Variants in FSD1L observed in about 807,000 individuals in gnomAD.
FSD1L encodes fibronectin type III and SPRY domain containing 1 like.
FSD1L carries 45 observed loss-of-function variants against 71.6 expected under a neutral mutation model. The ratio of observed to expected loss-of-function variants is 0.63; its 90% confidence interval spans 0.49 to 0.81. FSD1L has a LOEUF of 0.81. FSD1L is among the 30% of genes least tolerant of loss of function. The pLI, the probability that FSD1L is intolerant of heterozygous loss-of-function variation, is 0.00. For missense variants in FSD1L, 561 were observed against 618.1 expected (o/e 0.91, Z 0.98); for synonymous variants, 197 against 207.2 (o/e 0.95, Z 0.42).
chr9:105,478,540 A>C (rs10991666), intron 5 of FSD1L, among the ~76,000 whole-genome samples: 19,444 of 152,136 alleles, frequency 0.13, 1,583 homozygotes, highest in Admixed American at 0.23. Context: ...GGAGAAAAAA[A>C]CTTTTGTTGG....
intron 6 of FSD1L, among the ~76,000 whole-genome samples, chr9:105,481,141 C>CTGTGTGTGTG (rs376069658): frequency 0.034 from 2,755 of 81,528 alleles, 160 homozygotes; most frequent in African/African-American, 0.037. Context: ...CAGGCAAACT[C>CTGTGTGTGTG]TGTGTGTGTG....
intron 9 of FSD1L, among the ~76,000 whole-genome samples, chr9:105,510,988 C>CTT (rs374059344): frequency 1.7e-4 from 24 of 140,720 alleles, no homozygotes; most frequent in Non-Finnish European, 2.0e-4. Context: ...TGAGGCTAGT[C>CTT]TTTTTTTTTT....
At chr9:105,472,108 C>T in intron 5 of FSD1L, 103 bp downstream of exon 5, 1 of 1,277,338 alleles carries the variant, frequency 7.8e-7, no homozygotes, top group Admixed American at 4.0e-5. Context: ...ATTTCTAATA[C>T]TAATAAAGCC....
Position 105,464,277 on chromosome 9 carries a change from T to G in FSD1L, c.153T>G (p.Asn51Lys), listed in dbSNP as rs1298655157. 3 of 1,530,354 alleles carry G rather than the reference T, an allele frequency of 2.0e-6. No homozygotes were observed. The East Asian group carries it at 7.4e-5, about 38-fold the overall frequency. 94.8% of individuals were successfully genotyped at this position (1,530,354 alleles called of 1,614,324 possible). The change falls in exon 3 of 14, where the codon AAT becomes AAG. Residue 51 changes from asparagine to lysine, a missense_variant. Asn to Lys is a moderately conservative substitution (Grantham distance 94, BLOSUM62 0). Transcript: ENST00000481272. The part of the protein sequence containing the change: ...QRIISTLANK[N>K]DEIQNFIDTL... ...TCATTTCAACTCTGGCAAATAAAAA[T>G]GATGAAATTCAGAACTTTATTGATA... is the stretch of plus-strand genomic sequence containing the variant.
intron 1 of FSD1L, among the ~76,000 whole-genome samples, chr9:105,451,959 G>T (rs151148498): frequency 5.7e-4 from 87 of 152,236 alleles, no homozygotes; most frequent in African/African-American, 2.1e-3. Flanking sequence ...CTCAGAGGAA[G>T]GAAGTCACCA....
Position 105,482,111 on chromosome 9 carries a change from A to G in FSD1L, c.465-2270A>G, listed in dbSNP as rs74409690. 7.9e-3 allele frequency among the ~76,000 whole-genome samples: 1,206 copies of G among 152,282 alleles called. 10 individuals carry two copies. Among genetic ancestry groups the G allele is most frequent in the Middle Eastern group, 0.02 (6 of 294 alleles). ...TTTTATAAGGGCATAGATGGATTTT[A>G]AGGGAGAATGTGTAACATATCTGAG... On this transcript the variant is annotated intron_variant, in intron 6 of 13. Coordinates refer to ENST00000481272, the MANE Select transcript of FSD1L (RefSeq NM_001145313.3).
At chr9:105,453,456 G>A (rs1022623646) in intron 1 of FSD1L, among the ~76,000 whole-genome samples, 4 of 152,130 alleles carry the variant, frequency 2.6e-5, no homozygotes, top group Non-Finnish European at 5.9e-5. Context: ...TTACAGGCAG[G>A]AGACACTGCG....
At chr9:105,517,932 C>A (rs949491642) in intron 10 of FSD1L, among the ~76,000 whole-genome samples, 2 of 152,094 alleles carry the variant, frequency 1.3e-5, no homozygotes, top group African/African-American at 4.8e-5. Flanking sequence ...CATGCAAAGA[C>A]AAACATAGGC....
intron 5 of FSD1L, among the ~76,000 whole-genome samples, chr9:105,473,855 A>G (rs540253983): frequency 3.3e-4 from 50 of 152,034 alleles, no homozygotes; most frequent in African/African-American, 1.2e-3. Context: ...TATTCTTTCC[A>G]GCTTTGTTTC....
intron 7 of FSD1L, among the ~76,000 whole-genome samples, chr9:105,494,758 A>T (rs1217845364): frequency 6.6e-6 from 1 of 152,112 alleles, no homozygotes; most frequent in Non-Finnish European, 1.5e-5. Flanking sequence ...AGTTTGCTAG[A>T]GGTGCACTCC....
chr9:105,489,209 C>T (rs144996839), intron 7 of FSD1L, among the ~76,000 whole-genome samples: 3,504 of 152,184 alleles, frequency 0.023, 51 homozygotes, highest in Middle Eastern at 0.045. Context: ...ATCCTCCCAC[C>T]TATTAGGTAA....
At chr9:105,457,756 A>G (rs919880624) in intron 1 of FSD1L, among the ~76,000 whole-genome samples, 1 of 152,120 alleles carries the variant, frequency 6.6e-6, no homozygotes, top group Non-Finnish European at 1.5e-5. Flanking sequence ...CCAGGCATGG[A>G]GCAGTGAGGG....
At chr9:105,505,461 A>G (rs1196262491) in intron 7 of FSD1L, among the ~76,000 whole-genome samples, 3 of 152,022 alleles carry the variant, frequency 2.0e-5, no homozygotes, top group South Asian at 2.1e-4. Context: ...GGGTTTCACT[A>G]TGTTGGTCAG....
At chr9:105,462,919 C>G (rs1278670617) in intron 2 of FSD1L, among the ~76,000 whole-genome samples, 2 of 149,670 alleles carry the variant, frequency 1.3e-5, no homozygotes, top group African/African-American at 4.9e-5. Context: ...AGGTGGATCT[C>G]CTGAGGTCAA....
upstream of FSD1L, chr9:105,447,942 G>C (rs928129173): frequency 7.7e-6 from 4 of 520,632 alleles, no homozygotes; most frequent in Non-Finnish European, 1.0e-5. Flanking sequence ...GACGGGCGGC[G>C]CTCCCCACCC....
Position 105,552,166 on chromosome 9 carries a change from G to C in FSD1L, c.*5683G>C, listed in dbSNP as rs980814268. 2 of 151,342 alleles carry C rather than the reference G, an allele frequency of 1.3e-5. No individual in the cohort carries two copies. The highest frequency in any genetic ancestry group is 2.9e-5 in the Non-Finnish European group (2 of 67,888). The allele number at this position is 151,342 out of a possible 1,614,324, so 9.4% of individuals were successfully genotyped here. On this transcript the variant is annotated 3_prime_UTR_variant, in exon 14 of 14. Transcript: ENST00000481272. ...TGATAATAAAAATTCTAATTCCTCA[G>C]GTTTGGCCTTTTAAGTTATGGCTGA...
intron 11 of FSD1L, 74 bp downstream of exon 11, chr9:105,534,667 CAA>C: frequency 1.2e-6 from 1 of 821,636 alleles, no homozygotes; most frequent in Non-Finnish European, 2.0e-6. Context: ...ACTTTCCACT[CAA>C]AGTGACTGCC....
chr9:105,518,706 GC>G (rs1564133490), intron 10 of FSD1L, among the ~76,000 whole-genome samples: 1 of 152,188 alleles, frequency 6.6e-6, no homozygotes, highest in African/African-American at 2.4e-5. Flanking sequence ...ACAAGAGAAA[GC>G]AGGAAAGATC....
In FSD1L at chr9:105,550,973, A is replaced by G. The variant is rs556666711; in HGVS notation, c.*4490A>G. On this transcript the variant is annotated 3_prime_UTR_variant, in exon 14 of 14. Transcript: ENST00000481272. ...AGTATGTAGAGCAGAAGGCACGTGA[A>G]TGTGTTTGCTTTGGCTTGGAGCTTA... The G allele has an allele frequency of 6.6e-6, 1 of 152,118 alleles. No homozygotes were observed. The highest frequency in any genetic ancestry group is 2.4e-5 in the African/African-American group (1 of 41,448). 9.4% of individuals were successfully genotyped at this position (152,118 alleles called of 1,614,324 possible).
Sources: allele counts gnomAD v4.1 joint callset (sites outside exome capture counted in the v4.1 genomes callset), GRCh38; gene constraint gnomAD v4.1.1; transcripts MANE v1.5; gene names NCBI Gene and HGNC (gene_info 2026-07-23, HGNC 2026-07-21).